Variants in ARMCX3 observed in about 807,000 individuals in gnomAD.
ARMCX3 encodes the protein armadillo repeat-containing X-linked protein 3.
In ARMCX3, 3 loss-of-function variants were observed where a neutral mutation model predicts 12.6. The ratio of observed to expected loss-of-function variants is 0.24; its 90% CI spans 0.11 to 0.61. ARMCX3 has a LOEUF of 0.61. Among genes scored for constraint, ARMCX3 ranks in the 20% least tolerant of loss-of-function variants. ARMCX3 has a pLI of 0.88. For synonymous variants in ARMCX3, 102 were observed against 103.1 expected, an observed-to-expected ratio of 0.99 and a Z score of 0.06; for missense variants, 204 against 286.1, an observed-to-expected ratio of 0.71 and a Z score of 2.07.
At position 101,627,573 on chromosome X, in the gene ARMCX3, A is replaced by G. The variant is rs1936006999; in HGVS notation, c.*1454A>G. ...ACTGAATGGAAGAAATATTTAGATT[A>G]AAAATGAGGTAGGTTGAAGTTTCTT... On this transcript the variant is annotated 3_prime_UTR_variant, in exon 5 of 5. Coordinates refer to ENST00000471229, the MANE Select transcript of ARMCX3 (RefSeq NM_177947.3). 1 of 124,010 alleles carries G rather than the reference A, an allele frequency of 8.1e-6. No homozygotes were observed. Among genetic ancestry groups the G allele is most frequent in the Non-Finnish European group, 1.9e-5 (1 of 53,382 alleles). The allele number at this position is 124,010 out of a possible 1,213,427, so 10.2% of individuals were successfully genotyped here. A position where few individuals can be genotyped will look rare whatever the true frequency, so the allele number is the denominator to read the frequency against.
chrX:101,625,167 A>T lies in ARMCX3; in HGVS notation c.188A>T (p.Asp63Val), dbSNP rs1189144991. The change falls in exon 5 of 5, where the codon GAT (aspartate) becomes GTT (valine). Residue 63 changes from aspartate (D) to valine (V), a missense_variant. Physicochemically the swap from Asp to Val is radical, Grantham distance 152. Transcript: ENST00000471229. Reference protein sequence around the residue: ...SGARYNDWSDDDDDSNESKSI... With the variant: ...SGARYNDWSDVDDDSNESKSI... ...GCCAGGTATAATGACTGGTCTGATG[A>T]TGATGATGACAGCAATGAGAGCAAG... 9.9e-6 allele frequency: 12 copies of T among 1,208,833 alleles called. No individual in the cohort carries two copies. In the East Asian group the frequency reaches 1.5e-4, roughly 15 times the overall value.
In ARMCX3 at chrX:101,625,732, A is replaced by G. The variant is rs376915704; in HGVS notation, c.753A>G (p.Leu251=). 92 of 1,173,587 alleles carry G rather than the reference A, an allele frequency of 7.8e-5. No homozygotes were observed. Among genetic ancestry groups the G allele is most frequent in the Non-Finnish European group, 1.0e-4 (88 of 880,499 alleles). ...ATTCCATTTCTGACTTTTTTCGTTT[A>G]TTTTCAGCGGGAAATGAAGAAACCA... ...LANSISDFFR[L]FSAGNEETKL... The change falls in exon 5 of 5, where the codon TTA becomes TTG. Residue 251 remains leucine (L), a synonymous_variant. Transcript: ENST00000471229.
Position 101,625,970 on chromosome X carries a change from G to A in ARMCX3, c.991G>A (p.Gly331Ser), listed in dbSNP as rs1556038737. The A allele has an allele frequency of 8.3e-7, 1 of 1,208,884 alleles. No individual in the cohort carries two copies. The highest frequency in any genetic ancestry group is 1.7e-5 in the African/African-American group (1 of 57,645). Residue 331 changes from glycine to serine, a missense_variant, in exon 5 of 5, where the codon GGT (glycine) becomes AGT (serine). Transcript: ENST00000471229. ...ACCTACTCAGAATCAATTCGGTGAA[G>A]GTTCACTTTTTTTCTTTTTAAAAGA... ...NEPTQNQFGE[G>S]SLFFFLKEFQ... is the part of the protein sequence containing the mutation.
In ARMCX3 at chrX:101,625,963, C is replaced by T. The variant is rs781894782; in HGVS notation, c.984C>T (p.Phe328=). ...WEENEPTQNQ[F]GEGSLFFFLK... is the part of the protein sequence containing the mutation. ...AAAATGAACCTACTCAGAATCAATT[C>T]GGTGAAGGTTCACTTTTTTTCTTTT... is the stretch of plus-strand genomic sequence containing the variant. The change falls in exon 5 of 5, where the codon TTC becomes TTT. Residue 328 remains phenylalanine (F), a synonymous_variant. Coordinates refer to ENST00000471229, the MANE Select transcript of ARMCX3 (RefSeq NM_177947.3). 8.3e-6 allele frequency: 10 copies of T among 1,207,005 alleles called. No homozygotes were observed. Among genetic ancestry groups the T allele is most frequent in the Admixed American group, 2.2e-5 (1 of 45,386 alleles).
intron 4 of ARMCX3, 46 bp from the exon 5 acceptor site, chrX:101,624,788 C>G (rs1935956961): frequency 3.0e-6 from 1 of 328,784 alleles, no homozygotes; most frequent in Non-Finnish European, 5.2e-6. Context: ...TGGGGCAACA[C>G]AAGCAGAAGA....
Position 101,625,017 on chromosome X carries a change from G to T in ARMCX3, c.38G>T (p.Gly13Val), listed in dbSNP as rs1935962669. Residue 13 changes from glycine to valine, a missense_variant, in exon 5 of 5, where the codon GGC becomes GTC. Coordinates refer to ENST00000471229, the MANE Select transcript of ARMCX3 (RefSeq NM_177947.3). ...YARKVGWVTA[G>V]LVIGAGACYC... ...AGGAAAGTAGGCTGGGTGACCGCAG[G>T]CCTGGTGATTGGGGCTGGCGCCTGC... is the stretch of plus-strand genomic sequence containing the variant. 3.5e-6 allele frequency: 4 copies of T among 1,148,924 alleles called. No individual in the cohort carries two copies. The highest frequency in any genetic ancestry group is 4.6e-6 in the Non-Finnish European group (4 of 866,019). The allele number at this position is 1,148,924 out of a possible 1,213,427, so 94.7% of individuals were successfully genotyped here.
Position 101,625,653 on chromosome X carries a change from T to A in ARMCX3, c.674T>A (p.Leu225Gln). 8.4e-7 allele frequency: 1 copy of A among 1,188,802 alleles called. No individual in the cohort carries two copies. The highest frequency in any genetic ancestry group is 1.1e-6 in the Non-Finnish European group (1 of 883,515). ...AACTCATCTGTGCAGCTTGCTGGACTGAGATTGCTTACAAATATGACTGTT... is the reference window on the plus strand; with the variant it reads ...AACTCATCTGTGCAGCTTGCTGGACAGAGATTGCTTACAAATATGACTGTT... Reference protein sequence around the residue: ...RLNSSVQLAGLRLLTNMTVTN... With the variant: ...RLNSSVQLAGQRLLTNMTVTN... The change falls in exon 5 of 5, where the codon CTG becomes CAG. Residue 225 changes from leucine to glutamine, a missense_variant. By Grantham distance (113) the Leu-to-Gln change is moderately radical. Coordinates refer to ENST00000471229, the MANE Select transcript of ARMCX3 (RefSeq NM_177947.3).
intron 4 of ARMCX3, 41 bp from the exon 5 acceptor site, chrX:101,624,793 A>G (rs1556038163): frequency 2.2e-4 from 73 of 331,208 alleles, no homozygotes; most frequent in Non-Finnish European, 3.1e-5. Flanking sequence ...CAACACAAGC[A>G]GAAGAGAAAC....
Position 101,625,679 on chromosome X carries a change from A to G in ARMCX3, c.700A>G (p.Thr234Ala), listed in dbSNP as rs1556038545. Residue 234 changes from threonine to alanine, a missense_variant, in exon 5 of 5, where the codon ACT becomes GCT. Thr to Ala is a moderately conservative substitution (Grantham distance 58). Transcript: ENST00000471229. ...GLRLLTNMTV[T>A]NEYQHMLANS... ...GAGATTGCTTACAAATATGACTGTT[A>G]CTAATGAGTATCAGCACATGCTTGC... 5.9e-6 allele frequency: 7 copies of G among 1,191,796 alleles called. No homozygotes were observed. The highest frequency in any genetic ancestry group is 7.9e-6 in the Non-Finnish European group (7 of 886,364).
rs1569370336 is a variant in ARMCX3, at chrX:101,625,201, ATGGTACCCACCT to A, written c.226_237del (p.Tyr76_Trp79del). 1 of 1,209,562 alleles carries A rather than the reference ATGGTACCCACCT, an allele frequency of 8.3e-7. No individual in the cohort carries two copies. The highest frequency in any genetic ancestry group is 1.1e-6 in the Non-Finnish European group (1 of 895,222). ...ACAGCAATGAGAGCAAGAGTATAGT[ATGGTACCCACCT>A]TGGGCTCGGATTGGGACTGAAGCTG... On this transcript the variant is annotated inframe_deletion, in exon 5 of 5. Transcript: ENST00000471229.
chrX:101,623,355 C>T (rs1373416862), intron 1 of ARMCX3, 79 bp downstream of exon 1: 6 of 113,205 alleles, frequency 5.3e-5, no homozygotes, highest in African/African-American at 1.9e-4. Context: ...TGAGGCGCCT[C>T]CGTCGTCTCT....
rs1556039221 is a variant in ARMCX3, at chrX:101,627,654, G to T, written c.*1535G>T. The T allele has an allele frequency of 8.1e-6, 1 of 123,874 alleles. No homozygotes were observed. Among genetic ancestry groups the T allele is most frequent in the East Asian group, 2.8e-4 (1 of 3,590 alleles). 10.2% of individuals were successfully genotyped at this position (123,874 alleles called of 1,213,427 possible). A position where few individuals can be genotyped will look rare whatever the true frequency, so the allele number is the denominator to read the frequency against. Reference sequence around the variant, plus strand: ...AGGCTTATTGTGAGGATTCAGTGAGGTAATATATGCAAAGTACTTACAATG... The same window carrying T: ...AGGCTTATTGTGAGGATTCAGTGAGTTAATATATGCAAAGTACTTACAATG... On this transcript the variant is annotated 3_prime_UTR_variant, in exon 5 of 5. Transcript: ENST00000471229.
rs1347256535 is a variant in ARMCX3, at chrX:101,625,913, A to T, written c.934A>T (p.Ile312Leu). The T allele has an allele frequency of 3.3e-6, 4 of 1,198,168 alleles. No homozygotes were observed. The highest frequency in any genetic ancestry group is 4.6e-5 in the Admixed American group (2 of 43,489). The part of the protein sequence containing the change: ...ILKLLVIFEN[I>L]NDNFKWEENE... ...TAAACTTCTGGTCATATTTGAGAACATAAATGATAATTTCAAATGGGAAGA... is the reference window on the plus strand; with the variant it reads ...TAAACTTCTGGTCATATTTGAGAACTTAAATGATAATTTCAAATGGGAAGA... Residue 312 changes from isoleucine to leucine, a missense_variant, in exon 5 of 5, where the codon ATA becomes TTA. Ile to Leu is a conservative substitution (Grantham distance 5, BLOSUM62 2). Transcript: ENST00000471229.
chrX:101,624,763 G>C (rs1935956533), intron 4 of ARMCX3, 71 bp from the exon 5 acceptor site: 1 of 309,794 alleles, frequency 3.2e-6, no homozygotes, highest in Admixed American at 6.0e-5. Flanking sequence ...TTGTCCCTCT[G>C]TGCAGCTCCC....
Position 101,627,262 on chromosome X carries a change from G to A in ARMCX3, c.*1143G>A, listed in dbSNP as rs1381465120. ...TGCCAGGAAAAGCTATTCATTATGC[G>A]TTGTGAAGTCAGAAAGTAAAAAAGG... On this transcript the variant is annotated 3_prime_UTR_variant, in exon 5 of 5. Transcript: ENST00000471229. 1.6e-5 allele frequency: 2 copies of A among 123,426 alleles called. No individual in the cohort carries two copies. The highest frequency in any genetic ancestry group is 3.8e-5 in the Non-Finnish European group (2 of 53,265). The allele number at this position is 123,426 out of a possible 1,213,427, so 10.2% of individuals were successfully genotyped here. A position where few individuals can be genotyped will look rare whatever the true frequency, so the allele number is the denominator to read the frequency against.
chrX:101,627,037 C>A lies in ARMCX3; in HGVS notation c.*918C>A, dbSNP rs1935999267. The A allele has an allele frequency of 8.1e-6, 1 of 123,106 alleles. No homozygotes were observed. Among genetic ancestry groups the A allele is most frequent in the Admixed American group, 9.5e-5 (1 of 10,540 alleles). 10.1% of individuals were successfully genotyped at this position (123,106 alleles called of 1,213,427 possible). On this transcript the variant is annotated 3_prime_UTR_variant, in exon 5 of 5. Transcript: ENST00000471229. ...GGCCATTTGGTAATACAGATATAAGCCTTAAACTATGTAAACCCTTGTCCT... is the reference window on the plus strand; with the variant it reads ...GGCCATTTGGTAATACAGATATAAGACTTAAACTATGTAAACCCTTGTCCT...
At position 101,625,327 on chromosome X, in the gene ARMCX3, C is replaced by A; in HGVS notation, c.348C>A (p.Thr116=). The change falls in exon 5 of 5, where the codon ACC becomes ACA. Residue 116 remains threonine (T), a synonymous_variant. Coordinates refer to ENST00000471229, the MANE Select transcript of ARMCX3 (RefSeq NM_177947.3). ...GGGCTTCCCCCAATTCAGATGATAC[C>A]GTTTTGTCCCCTCAAGAGCTACAAA... The part of the protein sequence containing the change: ...QKRASPNSDD[T]VLSPQELQKV... 8.3e-7 allele frequency: 1 copy of A among 1,210,592 alleles called. No homozygotes were observed.
At position 101,625,277 on chromosome X, in the gene ARMCX3, C is replaced by G; in HGVS notation, c.298C>G (p.Arg100Gly). The G allele has an allele frequency of 8.3e-7, 1 of 1,206,861 alleles. No homozygotes were observed. The highest frequency in any genetic ancestry group is 1.8e-5 in the South Asian group (1 of 55,688). Residue 100 changes from arginine (R) to glycine (G), a missense_variant, in exon 5 of 5, where the codon CGG becomes GGG. Physicochemically the swap from Arg to Gly is moderately radical, Grantham distance 125. Transcript: ENST00000471229. ...ARARARARAT[R>G]ARRAVQKRAS... Reference sequence around the variant, plus strand: ...GGCCAGGGCAAGGGCCAGGGCTACCCGGGCACGTCGGGCTGTCCAGAAACG... The same window carrying G: ...GGCCAGGGCAAGGGCCAGGGCTACCGGGGCACGTCGGGCTGTCCAGAAACG...
chrX:101,624,984 G>A lies in ARMCX3; in HGVS notation c.5G>A (p.Gly2Asp). ...GCTATTGTCGGGGACGATTGCATGG[G>A]CTACGCCAGGAAAGTAGGCTGGGTG... is the stretch of plus-strand genomic sequence containing the variant. Reference protein sequence around the residue: MGYARKVGWVTA... With the variant: MDYARKVGWVTA... The change falls in exon 5 of 5, where the codon GGC (glycine) becomes GAC (aspartate). Residue 2 changes from glycine (G) to aspartate (D), a missense_variant. Physicochemically the swap from Gly to Asp is moderately conservative, Grantham distance 94. Transcript: ENST00000471229. 1 of 1,135,184 alleles carries A rather than the reference G, an allele frequency of 8.8e-7. No homozygotes were observed. Among genetic ancestry groups the A allele is most frequent in the Non-Finnish European group, 1.2e-6 (1 of 860,124 alleles). The allele number at this position is 1,135,184 out of a possible 1,213,427, so 93.6% of individuals were successfully genotyped here.
Sources: allele counts gnomAD v4.1 joint callset, GRCh38; gene constraint gnomAD v4.1.1; transcripts MANE v1.5; gene names NCBI Gene and HGNC (gene_info 2026-07-23, HGNC 2026-07-21).